Variants in IMMP2L observed in about 807,000 individuals in gnomAD.
IMMP2L encodes the protein mitochondrial inner membrane protease subunit 2.
A neutral mutation model predicts 19.3 loss-of-function variants in IMMP2L; 18 were observed. The ratio of observed to expected loss-of-function variants is 0.93; its 90% CI spans 0.64 to 1.38. IMMP2L has a LOEUF of 1.38. Among genes scored for constraint, IMMP2L ranks in the 40% most tolerant of loss-of-function variants. The probability of loss-of-function intolerance (pLI) is 0.00; values close to 1 mark genes in which losing one functional copy is unlikely to be tolerated. For synonymous variants in IMMP2L, 76 were observed against 73.0 expected, an observed-to-expected ratio of 1.04 and a Z score of -0.21; for missense variants, 233 against 218.2, an observed-to-expected ratio of 1.07 and a Z score of -0.43.
At chr7:111,361,374 C>T (rs1353901436) in intron 3 of IMMP2L, among the ~76,000 whole-genome samples, 7 of 152,016 alleles carry the variant, frequency 4.6e-5, no homozygotes, top group Non-Finnish European at 1.0e-4. Context: ...TTTAATTGTG[C>T]AGGATTATAG....
chr7:110,966,282 C>A (rs1819538631), intron 3 of IMMP2L, among the ~76,000 whole-genome samples: 1 of 151,982 alleles, frequency 6.6e-6, no homozygotes, highest in Non-Finnish European at 1.5e-5. Flanking sequence ...AGGAAAAGTT[C>A]TGTGTGGATA....
rs145066085 is a variant in IMMP2L, at chr7:111,317,142, G to T, written c.239+170096C>A. Among the ~76,000 whole-genome samples the T allele has an allele frequency of 3.0e-3, 459 of 152,012 alleles. 1 individual carries two copies. Among genetic ancestry groups the T allele is most frequent in the African/African-American group, 0.01 (435 of 41,494 alleles). Reference sequence around the variant, plus strand: ...GGATTGCAGGCATGATTTTTGGCTCGTTTGTACAGACATGAAAGTGTCTCA... The same window carrying T: ...GGATTGCAGGCATGATTTTTGGCTCTTTTGTACAGACATGAAAGTGTCTCA... On this transcript the variant is annotated intron_variant, in intron 3 of 5. Transcript: ENST00000405709.
chr7:111,281,160 A>C (rs13308247), intron 3 of IMMP2L, among the ~76,000 whole-genome samples: 9 of 20,978 alleles, frequency 4.3e-4, no homozygotes, highest in African/African-American at 1.5e-3. Context: ...GAAAGACAGA[A>C]AGAAAGAAAG....
chr7:110,772,989 C>A (rs1799138177), intron 5 of IMMP2L, among the ~76,000 whole-genome samples: 1 of 151,862 alleles, frequency 6.6e-6, no homozygotes, highest in Admixed American at 6.6e-5. Context: ...TGTATACTAC[C>A]CTTAAAATAA....
At chr7:111,237,469 T>C (rs1040028130) in intron 3 of IMMP2L, among the ~76,000 whole-genome samples, 1 of 152,072 alleles carries the variant, frequency 6.6e-6, no homozygotes, top group African/African-American at 2.4e-5. Flanking sequence ...AGTTATTTTT[T>C]GGCAATATTT....
intron 3 of IMMP2L, among the ~76,000 whole-genome samples, chr7:111,005,580 A>C (rs985657808): frequency 2.0e-5 from 3 of 152,176 alleles, no homozygotes; most frequent in Admixed American, 1.3e-4. Flanking sequence ...GCCTCAATTA[A>C]GCAGATAATA....
In IMMP2L at chr7:111,250,646, A is replaced by C. The variant is rs547974850; in HGVS notation, c.239+236592T>G. On this transcript the variant is annotated intron_variant, in intron 3 of 5. Coordinates refer to ENST00000405709, the MANE Select transcript of IMMP2L (RefSeq NM_032549.4). ...TTTTACAAACCTGACAAAAACAAGC[A>C]ATGGGGAAAGGATTCCCTATTTAAT... Among the ~76,000 whole-genome samples, 17 of 152,278 alleles carry C rather than the reference A, an allele frequency of 1.1e-4. No homozygotes were observed. In the East Asian group the frequency reaches 3.3e-3, roughly 29 times the overall value.
intron 3 of IMMP2L, among the ~76,000 whole-genome samples, chr7:111,324,756 T>C (rs547006144): frequency 6.6e-6 from 1 of 152,046 alleles, no homozygotes; most frequent in East Asian, 1.9e-4. Flanking sequence ...AATCTGTTTA[T>C]TGACAAAATG....
chr7:111,220,751 C>T (rs1485776166), intron 3 of IMMP2L, among the ~76,000 whole-genome samples: 2 of 151,936 alleles, frequency 1.3e-5, no homozygotes, highest in Admixed American at 1.3e-4. Context: ...AAGCTGGAGC[C>T]TCAGGAAAGA....
chr7:110,783,890 T>A (rs1449796014), intron 5 of IMMP2L, among the ~76,000 whole-genome samples: 2 of 151,884 alleles, frequency 1.3e-5, no homozygotes, highest in Non-Finnish European at 2.9e-5. Context: ...CTGAACACAT[T>A]CCTAAACCCC....
chr7:111,274,632 G>C (rs1818823671), intron 3 of IMMP2L, among the ~76,000 whole-genome samples: 1 of 152,098 alleles, frequency 6.6e-6, no homozygotes, highest in African/African-American at 2.4e-5. Context: ...TACAATAGCA[G>C]CTTTATTGCA....
chr7:111,334,233 C>G (rs908589511), intron 3 of IMMP2L, among the ~76,000 whole-genome samples: 3 of 151,768 alleles, frequency 2.0e-5, no homozygotes, highest in South Asian at 2.1e-4. Flanking sequence ...CTTCCACTTC[C>G]CAGCCTCTGG....
chr7:111,306,774 A>G (rs990510714), intron 3 of IMMP2L, among the ~76,000 whole-genome samples: 4 of 151,804 alleles, frequency 2.6e-5, no homozygotes, highest in Non-Finnish European at 5.9e-5. Flanking sequence ...ATGTTTTCTG[A>G]CTTTTATCCT....
chr7:111,266,948 G>A (rs1291934770), intron 3 of IMMP2L, among the ~76,000 whole-genome samples: 1 of 152,090 alleles, frequency 6.6e-6, no homozygotes, highest in African/African-American at 2.4e-5. Flanking sequence ...CAAAGTCAAG[G>A]CCCGGGTGTC....
At chr7:111,254,225 G>GCCTTT (rs1441491608) in intron 3 of IMMP2L, among the ~76,000 whole-genome samples, 1 of 137,972 alleles carries the variant, frequency 7.2e-6, no homozygotes, top group African/African-American at 3.1e-5. Context: ...TCTGTTTCTT[G>GCCTTT]TCTTTTGTTT....
At chr7:110,793,839 C>T (rs1045576223) in intron 5 of IMMP2L, among the ~76,000 whole-genome samples, 24 of 151,820 alleles carry the variant, frequency 1.6e-4, no homozygotes, top group African/African-American at 5.3e-4. Flanking sequence ...ACGTTTTATA[C>T]CTTAATTATT....
At chr7:110,948,747 A>C (rs901556071) in intron 4 of IMMP2L, among the ~76,000 whole-genome samples, 2 of 152,166 alleles carry the variant, frequency 1.3e-5, no homozygotes, top group African/African-American at 4.8e-5. Flanking sequence ...TACTAAGAGA[A>C]CTGGTAAAGG....
At chr7:111,184,730 T>C (rs1411148787) in intron 3 of IMMP2L, among the ~76,000 whole-genome samples, 2 of 151,438 alleles carry the variant, frequency 1.3e-5, no homozygotes, top group Non-Finnish European at 2.9e-5. Flanking sequence ...CACTCAGAGG[T>C]AATGCCACCA....
chr7:111,295,117 G>A (rs969136531), intron 3 of IMMP2L, among the ~76,000 whole-genome samples: 6 of 151,804 alleles, frequency 4.0e-5, no homozygotes, highest in African/African-American at 1.4e-4. Context: ...TTACTAGATA[G>A]GAGACTTTCA....
Sources: allele counts gnomAD v4.1 joint callset (sites outside exome capture counted in the v4.1 genomes callset), GRCh38; gene constraint gnomAD v4.1.1; transcripts MANE v1.5; gene names NCBI Gene and HGNC (gene_info 2026-07-23, HGNC 2026-07-21).